Variants in DDI2 observed in about 807,000 individuals in gnomAD.
DDI2 encodes DDI proteasomal shuttling factor 2, also known as protein DDI1 homolog 2.
DDI2 carries 5 observed loss-of-function variants against 48.1 expected under a neutral mutation model. That is an observed-to-expected ratio of 0.10 (90% CI 0.05 to 0.22). The LOEUF (loss-of-function observed/expected upper bound fraction) is 0.22, where lower values mean the gene tolerates loss of function less well. DDI2 is among the 10% of genes least tolerant of loss of function. DDI2 has a pLI of 1.00. For missense variants in DDI2, 285 were observed against 506.2 expected, an observed-to-expected ratio of 0.56 and a Z score of 4.19; for synonymous variants, 205 against 183.6, an observed-to-expected ratio of 1.12 and a Z score of -0.94.
At chr1:15,625,818 C>T (rs112270529) in intron 1 of DDI2, among the ~76,000 whole-genome samples, 8 of 152,280 alleles carry the variant, frequency 5.3e-5, no homozygotes, top group African/African-American at 1.7e-4. Flanking sequence ...GGAGTTTCAC[C>T]ATGTTGGCCA....
rs76381322 is a variant in DDI2 at position 15,667,218 on chromosome 1, A to T, written c.*7428A>T. 4.5e-4 allele frequency: 68 copies of T among 150,396 alleles called. 1 individual carries two copies. The highest frequency in any genetic ancestry group is 3.4e-3 in the Middle Eastern group (1 of 292). 9.3% of individuals were successfully genotyped at this position (150,396 alleles called of 1,614,324 possible). A position where few individuals can be genotyped will look rare whatever the true frequency, so the allele number is the denominator to read the frequency against. On this transcript the variant is annotated 3_prime_UTR_variant, in exon 10 of 10. Coordinates refer to ENST00000480945, the MANE Select transcript of DDI2 (RefSeq NM_032341.5). ...AGACACCGTCTCAAAAAAAAAAAAA[A>T]TTTTTTTTTAAATGGAATCAGAGAA...
intron 5 of DDI2, among the ~76,000 whole-genome samples, chr1:15,642,090 G>T (rs1420387333): frequency 3.9e-5 from 6 of 152,140 alleles, no homozygotes; most frequent in Non-Finnish European, 8.8e-5. Context: ...TTTTATGGCT[G>T]CAAGAAAATA....
chr1:15,635,958 A>AT (rs1377499397), intron 4 of DDI2, among the ~76,000 whole-genome samples: 2 of 152,244 alleles, frequency 1.3e-5, no homozygotes, highest in African/African-American at 4.8e-5. Context: ...TACACCAGTG[A>AT]TTACACAGGG....
At chr1:15,622,061 G>GGTC (rs1639674782) in intron 1 of DDI2, among the ~76,000 whole-genome samples, 1 of 152,062 alleles carries the variant, frequency 6.6e-6, no homozygotes, top group East Asian at 1.9e-4. Flanking sequence ...GCCGGTTTAT[G>GGTC]GTCCTTATTT....
At chr1:15,632,551 A>G (rs772081355) in intron 3 of DDI2, among the ~76,000 whole-genome samples, 4 of 152,132 alleles carry the variant, frequency 2.6e-5, no homozygotes, top group Non-Finnish European at 5.9e-5. Context: ...AAGAAATTGC[A>G]AAATAGGTTC....
At chr1:15,645,174 G>C (rs1640070837) in intron 6 of DDI2, among the ~76,000 whole-genome samples, 1 of 152,236 alleles carries the variant, frequency 6.6e-6, no homozygotes, top group African/African-American at 2.4e-5. Flanking sequence ...ATTATGGCGT[G>C]AGCCACCGTT....
chr1:15,648,370 G>T (rs1482445815), intron 6 of DDI2, among the ~76,000 whole-genome samples: 1 of 152,170 alleles, frequency 6.6e-6, no homozygotes, highest in Non-Finnish European at 1.5e-5. Context: ...TAAATAAAAG[G>T]AAAGCTTTAC....
In DDI2 at chr1:15,662,277, A is replaced by G. The variant is rs1640395273; in HGVS notation, c.*2487A>G. ...AATTATAACAGGAAATTGGAGAATA[A>G]TTGAATATCTTATCGTAGAGTGGTA... On this transcript the variant is annotated 3_prime_UTR_variant, in exon 10 of 10. Transcript: ENST00000480945. The G allele has an allele frequency of 6.6e-6, 1 of 152,482 alleles. No homozygotes were observed. Among genetic ancestry groups the G allele is most frequent in the African/African-American group, 2.4e-5 (1 of 41,464 alleles). 9.4% of individuals were successfully genotyped at this position (152,482 alleles called of 1,614,324 possible).
rs760309254 is a variant in DDI2 at position 15,643,513 on chromosome 1, C to T, written c.761-9C>T. On this transcript the variant is annotated splice_polypyrimidine_tract_variant and intron_variant, in intron 5 of 9. Coordinates refer to ENST00000480945, the MANE Select transcript of DDI2 (RefSeq NM_032341.5). ...GTTTTTATTGTCTGATGTTTCTCTA[C>T]TCCTCCAGGTGCCCAGATGACTATC... 1.9e-6 allele frequency: 3 copies of T among 1,609,178 alleles called. No individual in the cohort carries two copies. The highest frequency in any genetic ancestry group is 1.1e-5 in the South Asian group (1 of 90,182).
chr1:15,657,219 C>T (rs1342375295), intron 9 of DDI2, among the ~76,000 whole-genome samples: 1 of 152,206 alleles, frequency 6.6e-6, no homozygotes, highest in Middle Eastern at 3.2e-3. Flanking sequence ...TCTGGCCTGA[C>T]AGATTTTCAG....
intron 5 of DDI2, 47 bp from the exon 6 acceptor site, chr1:15,643,475 C>G: frequency 1.9e-6 from 3 of 1,599,660 alleles, no homozygotes; most frequent in Non-Finnish European, 2.6e-6. Flanking sequence ...AGTCTTCTCA[C>G]AAAGTGGATT....
In DDI2 at chr1:15,633,467, G is replaced by A. The variant is rs1401950997; in HGVS notation, c.534G>A (p.Gln178=). 1.2e-6 allele frequency: 2 copies of A among 1,613,622 alleles called. No homozygotes were observed. The highest frequency in any genetic ancestry group is 1.7e-6 in the Non-Finnish European group (2 of 1,179,692). ...AATTTTCTAGAGTCCTGGTGGAGCA[G>A]CAGCAGGACCGAGCCCGGAGAGAGC... ...LEKFSRVLVE[Q]QQDRARREQE... is the part of the protein sequence containing the mutation. The change falls in exon 4 of 10, where the codon CAG becomes CAA. Residue 178 remains glutamine, a synonymous_variant. Coordinates refer to ENST00000480945, the MANE Select transcript of DDI2 (RefSeq NM_032341.5).
intron 4 of DDI2, among the ~76,000 whole-genome samples, chr1:15,635,232 G>GAA (rs113959039): frequency 1.0e-3 from 135 of 131,130 alleles, no homozygotes; most frequent in African/African-American, 2.7e-3. Flanking sequence ...CCCATCTTAG[G>GAA]AAAAAAAAAA....
At position 15,661,358 on chromosome 1, in the gene DDI2, T is replaced by C. The variant is rs751615042; in HGVS notation, c.*1568T>C. The C allele has an allele frequency of 1.9e-5, 30 of 1,614,022 alleles. No individual in the cohort carries two copies. The highest frequency in any genetic ancestry group is 3.3e-5 in the Admixed American group (2 of 60,002). On this transcript the variant is annotated 3_prime_UTR_variant, in exon 10 of 10. Coordinates refer to ENST00000480945, the MANE Select transcript of DDI2 (RefSeq NM_032341.5). ...GGTGTAGAAATTTCACCCAAACTTTTAGCAGGTGAGGAGGATGCACTCAAT... is the reference window on the plus strand; with the variant it reads ...GGTGTAGAAATTTCACCCAAACTTTCAGCAGGTGAGGAGGATGCACTCAAT...
intron 6 of DDI2, among the ~76,000 whole-genome samples, chr1:15,644,602 T>TTTTTTTTTTTTTG (rs1640060392): frequency 7.3e-6 from 1 of 136,210 alleles, no homozygotes; most frequent in Non-Finnish European, 1.6e-5. Flanking sequence ...TTTTTTTTTT[T>TTTTTTTTTTTTTG]TTTTTTTTTG....
At chr1:15,633,216 A>G (rs903363175) in intron 3 of DDI2, among the ~76,000 whole-genome samples, 1 of 152,148 alleles carries the variant, frequency 6.6e-6, no homozygotes, top group Non-Finnish European at 1.5e-5. Flanking sequence ...GGCATGAGCT[A>G]CCACACCCAG....
At chr1:15,633,335 G>A in intron 3 of DDI2, 104 bp from the exon 4 acceptor site, 1 of 1,346,658 alleles carries the variant, frequency 7.4e-7, no homozygotes, top group Non-Finnish European at 1.0e-6. Flanking sequence ...CATCCTCTCT[G>A]CATCTCTTAC....
intron 4 of DDI2, among the ~76,000 whole-genome samples, chr1:15,636,991 A>C (rs1255162164): frequency 1.3e-5 from 2 of 152,188 alleles, no homozygotes; most frequent in Non-Finnish European, 2.9e-5. Context: ...CAAATCTTAG[A>C]AGCTGTTCTG....
chr1:15,653,577 G>A (rs1640227125), intron 8 of DDI2, among the ~76,000 whole-genome samples: 2 of 151,802 alleles, frequency 1.3e-5, no homozygotes, highest in Admixed American at 1.3e-4. Context: ...TTTGAGACAA[G>A]GTCTTACTCT....
Sources: allele counts gnomAD v4.1 joint callset (sites outside exome capture counted in the v4.1 genomes callset), GRCh38; gene constraint gnomAD v4.1.1; transcripts MANE v1.5; gene names NCBI Gene and HGNC (gene_info 2026-07-23, HGNC 2026-07-21).